The following KHDRBS2 variants were observed in gnomAD, a reference collection of about 807,000 sequenced individuals.
The protein encoded by KHDRBS2 is KH RNA binding domain containing, signal transduction associated 2.
KHDRBS2 carries 26 observed loss-of-function variants against 44.3 expected under a neutral mutation model. That is an observed-to-expected ratio of 0.59 (90% CI 0.43 to 0.81). The LOEUF (loss-of-function observed/expected upper bound fraction) is 0.81, where lower values mean the gene tolerates loss of function less well. KHDRBS2 is among the 40% of genes least tolerant of loss of function. The pLI, the probability that KHDRBS2 is intolerant of heterozygous loss-of-function variation, is 0.00. For synonymous variants in KHDRBS2, 194 were observed against 151.1 expected (o/e 1.28, Z -2.08); for missense variants, 476 against 433.1 (o/e 1.10, Z -0.88).
chr6:61,610,864 A>G, the KHDRBS2 span, among the ~76,000 whole-genome samples: 1 of 152,198 alleles, frequency 6.6e-6, no homozygotes, highest in East Asian at 1.9e-4. Context: ...TAAATCCACT[A>G]CTATAGTCAC....
At chr6:61,970,551 G>A (rs1771156145) in intron 4 of KHDRBS2, among the ~76,000 whole-genome samples, 1 of 152,092 alleles carries the variant, frequency 6.6e-6, no homozygotes, top group African/African-American at 2.4e-5. Flanking sequence ...AGAGATTACT[G>A]AGAGAGAACA....
chr6:62,239,945 A>C (rs1385360029), intron 1 of KHDRBS2, among the ~76,000 whole-genome samples: 1 of 152,100 alleles, frequency 6.6e-6, no homozygotes, highest in African/African-American at 2.4e-5. Context: ...TTGGCCTCCC[A>C]AAGTGCTGGG....
At chr6:62,057,281 A>G (rs893906292) in intron 2 of KHDRBS2, among the ~76,000 whole-genome samples, 4 of 151,966 alleles carry the variant, frequency 2.6e-5, no homozygotes, top group African/African-American at 9.7e-5. Context: ...TTTGGAGACA[A>G]CACTCTGGAA....
intron 6 of KHDRBS2, among the ~76,000 whole-genome samples, chr6:61,759,718 TC>T (rs1779003900): frequency 6.6e-6 from 1 of 152,228 alleles, no homozygotes; most frequent in Non-Finnish European, 1.5e-5. Context: ...TTAGCACGAT[TC>T]AGCCTCAAGT....
At chr6:62,273,785 A>G (rs1241697309) in intron 1 of KHDRBS2, among the ~76,000 whole-genome samples, 3 of 152,074 alleles carry the variant, frequency 2.0e-5, no homozygotes, top group Admixed American at 6.5e-5. Context: ...TGTGTATCCA[A>G]CTGAACTCAG....
intron 2 of KHDRBS2, among the ~76,000 whole-genome samples, chr6:62,069,989 G>A (rs1794608758): frequency 6.6e-6 from 1 of 151,356 alleles, no homozygotes; most frequent in African/African-American, 2.4e-5. Context: ...AGGATTTTTA[G>A]TTTGTTTTGT....
chr6:62,118,466 C>T (rs904567979), intron 2 of KHDRBS2, among the ~76,000 whole-genome samples: 9 of 152,042 alleles, frequency 5.9e-5, no homozygotes, highest in South Asian at 2.1e-4. Context: ...GGAATTTCAC[C>T]GAATCTGTAG....
At chr6:61,856,256 T>C (rs900097710) in intron 6 of KHDRBS2, among the ~76,000 whole-genome samples, 1 of 152,182 alleles carries the variant, frequency 6.6e-6, no homozygotes, top group African/African-American at 2.4e-5. Flanking sequence ...TCTTGTGGCT[T>C]CACACTTTAG....
intron 4 of KHDRBS2, among the ~76,000 whole-genome samples, chr6:61,903,105 T>G (rs554242229): frequency 2.0e-5 from 3 of 152,352 alleles, no homozygotes; most frequent in African/African-American, 7.2e-5. Flanking sequence ...CCTCATAATT[T>G]TCTCATTCAA....
At chr6:61,581,929 C>T in the KHDRBS2 span, among the ~76,000 whole-genome samples, 1 of 151,548 alleles carries the variant, frequency 6.6e-6, no homozygotes, top group Non-Finnish European at 1.5e-5. Context: ...CAACCATATT[C>T]TCTAATTTTA....
chr6:61,848,480 T>TATATATATATATATAC (rs1794764905), intron 6 of KHDRBS2, among the ~76,000 whole-genome samples: 2 of 50,502 alleles, frequency 4.0e-5, no homozygotes, highest in Non-Finnish European at 6.9e-5. Context: ...TATATATATA[T>TATATATATATATATAC]ATATATATAT....
chr6:61,671,694 C>T, the KHDRBS2 span, among the ~76,000 whole-genome samples: 2 of 151,586 alleles, frequency 1.3e-5, no homozygotes, highest in East Asian at 2.0e-4. Flanking sequence ...AGAATTTTGC[C>T]AAATGTTACA....
chr6:62,280,437 A>G (rs1244689622), intron 1 of KHDRBS2, among the ~76,000 whole-genome samples: 1 of 152,206 alleles, frequency 6.6e-6, no homozygotes, highest in Admixed American at 6.5e-5. Context: ...GAAAGAAATC[A>G]GAAGAAGGTC....
the KHDRBS2 span, among the ~76,000 whole-genome samples, chr6:61,633,026 T>C: frequency 6.6e-6 from 1 of 152,104 alleles, no homozygotes; most frequent in African/African-American, 2.4e-5. Flanking sequence ...CAACCTAGTA[T>C]TTGAGAAAAA....
Position 62,240,413 on chromosome 6 carries a change from CA to C in KHDRBS2, c.91+45444del, listed in dbSNP as rs1484883290. 2.0e-5 allele frequency among the ~76,000 whole-genome samples: 3 copies of C among 151,690 alleles called. No homozygotes were observed. The East Asian group carries it at 5.8e-4, about 29-fold the overall frequency. On this transcript the variant is annotated intron_variant, in intron 1 of 8. Transcript: ENST00000281156. ...GGTTTCCTTTACTAGAGAAGTTTAG[CA>C]AAAATTAAGTTGTGGGTACTGGGTA...
At chr6:62,038,992 A>G (rs932200101) in intron 3 of KHDRBS2, among the ~76,000 whole-genome samples, 78 of 152,010 alleles carry the variant, frequency 5.1e-4, no homozygotes, top group African/African-American at 1.7e-3. Flanking sequence ...TTTCTTTCTA[A>G]TATTCAATTA....
intron 7 of KHDRBS2, among the ~76,000 whole-genome samples, chr6:61,701,401 C>G (rs1411790405): frequency 1.3e-5 from 2 of 151,870 alleles, no homozygotes. Context: ...CTATTTCAAT[C>G]GCAAGAGATA....
chr6:61,610,712 T>A, the KHDRBS2 span, among the ~76,000 whole-genome samples: 2 of 152,190 alleles, frequency 1.3e-5, no homozygotes, highest in African/African-American at 4.8e-5. Flanking sequence ...ATGTCCCTCT[T>A]CCTTAATTTT....
At chr6:62,241,633 G>A (rs761160518) in intron 1 of KHDRBS2, among the ~76,000 whole-genome samples, 13 of 151,114 alleles carry the variant, frequency 8.6e-5, no homozygotes, top group Non-Finnish European at 1.6e-4. Context: ...TTTGACTCTC[G>A]GTTTCACCAT....
Sources: gnomAD v4.1 joint callset for allele counts (sites outside exome capture counted in the v4.1 genomes callset) on GRCh38, gnomAD v4.1.1 for gene constraint, MANE v1.5 for transcripts, NCBI Gene and HGNC (gene_info 2026-07-23, HGNC 2026-07-21) for gene names.